The following EDA variants were observed in gnomAD, a reference collection of about 807,000 sequenced individuals.
The protein encoded by EDA is ectodysplasin-A.
EDA carries 2 observed loss-of-function variants against 23.6 expected under a neutral mutation model. The ratio of observed to expected loss-of-function variants is 0.08; its 90% CI spans 0.03 to 0.27. EDA has a LOEUF of 0.27. Among genes scored for constraint, EDA ranks in the 10% least tolerant of loss-of-function variants. EDA has a pLI of 1.00. For missense variants in EDA, 229 were observed against 324.2 expected, an observed-to-expected ratio of 0.71 and a Z score of 2.26; for synonymous variants, 131 against 132.0, an observed-to-expected ratio of 0.99 and a Z score of 0.05.
intron 1 of EDA, among the ~76,000 whole-genome samples, chrX:69,857,955 T>G (rs1038410350): frequency 3.7e-4 from 42 of 112,055 alleles, no homozygotes; most frequent in African/African-American, 1.1e-3. Context: ...ACCTCCTTGG[T>G]TAGCTGTATT....
chrX:69,696,280 ATT>A (rs1419014425), intron 1 of EDA, among the ~76,000 whole-genome samples: 1 of 110,290 alleles, frequency 9.1e-6, no homozygotes, highest in Non-Finnish European at 1.9e-5. Context: ...AGAAAGCCTT[ATT>A]GTTTCAACAC....
At chrX:69,693,766 G>T (rs1450443709) in intron 1 of EDA, among the ~76,000 whole-genome samples, 2 of 111,933 alleles carry the variant, frequency 1.8e-5, no homozygotes, top group Non-Finnish European at 3.8e-5. Context: ...TATTGCTGGA[G>T]ATTTCTCCAG....
chrX:69,965,714 T>G (rs1483789129), intron 2 of EDA, among the ~76,000 whole-genome samples: 1 of 112,258 alleles, frequency 8.9e-6, no homozygotes, highest in Non-Finnish European at 1.9e-5. Flanking sequence ...GTTGAACATG[T>G]GCATGTTCTA....
intron 1 of EDA, among the ~76,000 whole-genome samples, chrX:69,895,774 A>G (rs1474668043): frequency 9.0e-6 from 1 of 111,466 alleles, no homozygotes; most frequent in African/African-American, 3.3e-5. Context: ...CACAGCGGTA[A>G]TTATCATTTG....
At chrX:69,912,241 C>T (rs2018277557) in intron 1 of EDA, among the ~76,000 whole-genome samples, 1 of 111,881 alleles carries the variant, frequency 8.9e-6, no homozygotes, top group Non-Finnish European at 1.9e-5. Context: ...TTACTTCCTC[C>T]ACTGAAGTCT....
intron 1 of EDA, among the ~76,000 whole-genome samples, chrX:69,779,904 G>A (rs1187924229): frequency 1.8e-5 from 2 of 111,110 alleles, no homozygotes; most frequent in Admixed American, 1.9e-4. Context: ...GTTGTAAAAT[G>A]GTAGAAAAGG....
At chrX:69,679,559 G>A (rs1334058738) in intron 1 of EDA, among the ~76,000 whole-genome samples, 1 of 111,827 alleles carries the variant, frequency 8.9e-6, no homozygotes, top group African/African-American at 3.3e-5. Context: ...GAGGGTGTAT[G>A]TGTAGAGGAA....
At chrX:69,738,811 G>T (rs1195870506) in intron 1 of EDA, among the ~76,000 whole-genome samples, 7 of 109,176 alleles carry the variant, frequency 6.4e-5, no homozygotes, top group African/African-American at 3.3e-5. Flanking sequence ...CTTTATTTCT[G>T]TTATTGATTG....
chrX:69,941,602 A>AT (rs1322321772), intron 1 of EDA, among the ~76,000 whole-genome samples: 1 of 110,428 alleles, frequency 9.1e-6, no homozygotes, highest in African/African-American at 3.3e-5. Flanking sequence ...ATTCCTGCTA[A>AT]TTTTTTTGTT....
chrX:70,035,309 C>A, intron 7 of EDA, 49 bp from the exon 8 acceptor site: 1 of 1,189,415 alleles, frequency 8.4e-7, no homozygotes, highest in Non-Finnish European at 1.1e-6. Context: ...GGGCCCCCCA[C>A]CCTCTCTTTC....
At chrX:69,698,041 A>G (rs1197643332) in intron 1 of EDA, among the ~76,000 whole-genome samples, 1 of 111,135 alleles carries the variant, frequency 9.0e-6, no homozygotes, top group East Asian at 2.8e-4. Context: ...CTGTGGCCTA[A>G]TTATTCTGTT....
At chrX:69,769,463 G>A (rs889414367) in intron 1 of EDA, among the ~76,000 whole-genome samples, 16 of 110,923 alleles carry the variant, frequency 1.4e-4, no homozygotes, top group African/African-American at 4.9e-4. Flanking sequence ...TTTTAATTCC[G>A]TCTGACAGTC....
At chrX:69,882,275 G>A (rs1483215869) in intron 1 of EDA, among the ~76,000 whole-genome samples, 1 of 111,654 alleles carries the variant, frequency 9.0e-6, no homozygotes, top group Non-Finnish European at 1.9e-5. Context: ...TTCCCTTGGT[G>A]AACAGAGCAT....
rs186953363 is a variant in EDA at position 70,036,717 on chromosome X, T to G, written c.*1108T>G. On this transcript the variant is annotated 3_prime_UTR_variant, in exon 8 of 8. Transcript: ENST00000374552. ...CAAATCCTAGACTGCTCCTGGGCAT[T>G]AGCAAGGCAGAGCCTTTTTACCTGG... is the stretch of plus-strand genomic sequence containing the variant. 8.9e-6 allele frequency: 1 copy of G among 112,568 alleles called. No homozygotes were observed. The highest frequency in any genetic ancestry group is 1.9e-5 in the Non-Finnish European group (1 of 53,264). 9.3% of individuals were successfully genotyped at this position (112,568 alleles called of 1,213,427 possible).
At chrX:69,975,287 A>G (rs2019301316) in intron 2 of EDA, among the ~76,000 whole-genome samples, 1 of 111,870 alleles carries the variant, frequency 8.9e-6, no homozygotes, top group Admixed American at 9.6e-5. Flanking sequence ...CGCAGCTATA[A>G]AAAAGAATAA....
chrX:69,845,989 C>G (rs1322901945), intron 1 of EDA, among the ~76,000 whole-genome samples: 1 of 112,275 alleles, frequency 8.9e-6, no homozygotes, highest in Non-Finnish European at 1.9e-5. Flanking sequence ...AAGGCCAAAA[C>G]TACATAGCTA....
At chrX:69,759,191 T>C (rs1186936504) in intron 1 of EDA, among the ~76,000 whole-genome samples, 1 of 112,429 alleles carries the variant, frequency 8.9e-6, no homozygotes, top group Non-Finnish European at 1.9e-5. Flanking sequence ...TAATGATAGC[T>C]GGGATATACT....
intron 1 of EDA, among the ~76,000 whole-genome samples, chrX:69,736,081 C>T (rs769114602): frequency 1.0e-4 from 11 of 108,482 alleles, no homozygotes; most frequent in African/African-American, 2.4e-4. Context: ...CTAAGGTGGG[C>T]GGATCACCTG....
chrX:69,992,629 C>A (rs1032945516), intron 2 of EDA, among the ~76,000 whole-genome samples: 15 of 111,871 alleles, frequency 1.3e-4, no homozygotes, highest in African/African-American at 4.9e-4. Context: ...TCTCCTTGTG[C>A]ACATGTGAGG....
Sources: gnomAD v4.1 joint callset for allele counts (sites outside exome capture counted in the v4.1 genomes callset) on GRCh38, gnomAD v4.1.1 for gene constraint, MANE v1.5 for transcripts, NCBI Gene and HGNC (gene_info 2026-07-23, HGNC 2026-07-21) for gene names.